The following FGF1 variants were observed in gnomAD, a reference collection of about 807,000 sequenced individuals.
FGF1 encodes fibroblast growth factor 1.
Under a neutral mutation model 13.4 loss-of-function variants are expected in FGF1, and 9 were observed. The observed-to-expected ratio is 0.67, with a 90% CI of 0.40 to 1.17. The LOEUF (loss-of-function observed/expected upper bound fraction) is 1.17. Ranked by LOEUF, FGF1 falls within the 50% of genes most tolerant of loss-of-function variation. The probability of loss-of-function intolerance (pLI) is 0.01; values close to 1 mark genes in which losing one functional copy is unlikely to be tolerated. For missense variants in FGF1, 156 were observed against 192.7 expected, an observed-to-expected ratio of 0.81 and a Z score of 1.13; for synonymous variants, 93 against 79.0, an observed-to-expected ratio of 1.18 and a Z score of -0.94.
intron 2 of FGF1, among the ~76,000 whole-genome samples, chr5:142,697,275 A>G (rs1312847748): frequency 6.6e-6 from 1 of 152,196 alleles, no homozygotes; most frequent in African/African-American, 2.4e-5. Flanking sequence ...TTTTAAAATG[A>G]AGCATTAAGT....
At chr5:142,602,461 C>T (rs1212710215) in intron 2 of FGF1, among the ~76,000 whole-genome samples, 1 of 152,158 alleles carries the variant, frequency 6.6e-6, no homozygotes, top group East Asian at 1.9e-4. Flanking sequence ...AGGTGTGAGC[C>T]ACTGCGCCTG....
intron 2 of FGF1, among the ~76,000 whole-genome samples, chr5:142,697,169 A>G (rs574862829): frequency 6.6e-6 from 1 of 152,274 alleles, no homozygotes; most frequent in East Asian, 1.9e-4. Flanking sequence ...GGTGATGGGG[A>G]AAAAGAGGCT....
At chr5:142,613,641 G>A (rs1032094152) in intron 2 of FGF1, among the ~76,000 whole-genome samples, 4 of 152,168 alleles carry the variant, frequency 2.6e-5, no homozygotes, top group Admixed American at 1.3e-4. Context: ...ACTAGCCTTC[G>A]GGGCCAGATC....
chr5:142,604,181 T>C (rs1036176322), intron 2 of FGF1, among the ~76,000 whole-genome samples: 4 of 152,226 alleles, frequency 2.6e-5, no homozygotes, highest in South Asian at 2.1e-4. Flanking sequence ...TGGATTGTGG[T>C]GTTGGTTGCA....
chr5:142,695,933 A>G (rs1332040683), intron 2 of FGF1, among the ~76,000 whole-genome samples: 2 of 152,216 alleles, frequency 1.3e-5, no homozygotes, highest in Non-Finnish European at 2.9e-5. Context: ...GAGGGGAGAC[A>G]GCACCAAGGT....
intron 1 of FGF1, among the ~76,000 whole-genome samples, chr5:142,636,999 A>G (rs1764361070): frequency 6.6e-6 from 1 of 151,990 alleles, no homozygotes; most frequent in Non-Finnish European, 1.5e-5. Context: ...GAGGAAAGGC[A>G]AGGAAATCAG....
intron 1 of FGF1, among the ~76,000 whole-genome samples, chr5:142,641,943 T>C (rs543403550): frequency 5.9e-5 from 9 of 152,358 alleles, no homozygotes; most frequent in East Asian, 1.9e-4. Context: ...AAATGGAATA[T>C]GTAAAGAGAA....
Position 142,600,569 on chromosome 5 carries a change from G to A in FGF1, c.273+133C>T, listed in dbSNP as rs915417062. The stretch of plus-strand genomic sequence containing the variant: ...GTGCCTAAAATAAAGCAGAGTGAGG[G>A]TGGGAATCCTTCTGGAAAAAATAAC... On this transcript the variant is annotated intron_variant, in intron 3 of 3. Coordinates refer to ENST00000337706, the MANE Select transcript of FGF1 (RefSeq NM_000800.5). 7.2e-6 allele frequency: 5 copies of A among 699,296 alleles called. No homozygotes were observed. In the East Asian group the frequency reaches 7.8e-5, roughly 11 times the overall value. The allele number at this position is 699,296 out of a possible 1,614,324, so 43.3% of individuals were successfully genotyped here.
At chr5:142,683,504 A>G (rs1019722949) in intron 1 of FGF1, among the ~76,000 whole-genome samples, 11 of 152,192 alleles carry the variant, frequency 7.2e-5, no homozygotes, top group African/African-American at 2.7e-4. Context: ...TGCTTTAAAG[A>G]TAATATGGAT....
intron 2 of FGF1, among the ~76,000 whole-genome samples, chr5:142,608,708 C>CATATATATATATATATAT (rs149917804): frequency 2.1e-5 from 3 of 144,316 alleles, no homozygotes; most frequent in Admixed American, 1.4e-4. Flanking sequence ...GACTGAATGA[C>CATATATATATATATATAT]ATATATATAT....
At chr5:142,684,325 G>A (rs1242599551) in intron 1 of FGF1, among the ~76,000 whole-genome samples, 2 of 152,242 alleles carry the variant, frequency 1.3e-5, no homozygotes, top group Non-Finnish European at 2.9e-5. Context: ...CACTTAACCA[G>A]ATATGGCTTC....
chr5:142,639,592 G>A (rs1597266689), intron 1 of FGF1, among the ~76,000 whole-genome samples: 1 of 152,004 alleles, frequency 6.6e-6, no homozygotes, highest in East Asian at 1.9e-4. Context: ...ATGAGATGTT[G>A]GTTAAAGGGT....
intron 1 of FGF1, among the ~76,000 whole-genome samples, chr5:142,619,083 T>TGCCACCGCGCCC (rs1197567824): frequency 4.6e-5 from 7 of 151,848 alleles, no homozygotes; most frequent in Non-Finnish European, 7.4e-5. Flanking sequence ...TACAGGCGCC[T>TGCCACCGCGCCC]GCCACCGCGC....
intron 1 of FGF1, among the ~76,000 whole-genome samples, chr5:142,618,878 T>C (rs1287223097): frequency 6.6e-6 from 1 of 151,712 alleles, no homozygotes; most frequent in African/African-American, 2.4e-5. Flanking sequence ...GACTGTGATG[T>C]GTTAAGAATC....
In FGF1 at chr5:142,659,302, C is replaced by A. The variant is rs1262596661; in HGVS notation, c.-35+26655G>T. 4.7e-5 allele frequency among the ~76,000 whole-genome samples: 7 copies of A among 150,330 alleles called. No homozygotes were observed. In the East Asian group the frequency reaches 1.4e-3, roughly 29 times the overall value. Reference sequence around the variant, plus strand: ...GGAGTGCAGTGGCGTGATCTCAGCTCACTACAACCTCTGCCTCCCGGGTTC... The same window carrying A: ...GGAGTGCAGTGGCGTGATCTCAGCTAACTACAACCTCTGCCTCCCGGGTTC... On this transcript the variant is annotated intron_variant, in intron 1 of 3. Transcript: ENST00000337706.
rs544866424 is a variant in FGF1 at position 142,620,184 on chromosome 5, G to A, written c.-34-6023C>T. Among the ~76,000 whole-genome samples the A allele has an allele frequency of 4.8e-4, 73 of 152,276 alleles. 1 individual carries two copies. Among genetic ancestry groups the A allele is most frequent in the Admixed American group, 2.8e-3 (43 of 15,300 alleles). Reference sequence around the variant, plus strand: ...TGTAATCCCACCACTTTGGGAGGCCGAGGTGGGCGGATCACGAGGTAAGGA... The same window carrying A: ...TGTAATCCCACCACTTTGGGAGGCCAAGGTGGGCGGATCACGAGGTAAGGA... On this transcript the variant is annotated intron_variant, in intron 1 of 3. Transcript: ENST00000337706.
intron 1 of FGF1, among the ~76,000 whole-genome samples, chr5:142,643,174 G>A (rs1411988641): frequency 1.3e-5 from 2 of 152,064 alleles, no homozygotes; most frequent in Non-Finnish European, 2.9e-5. Flanking sequence ...ATTGAATGTT[G>A]TGATATAATT....
chr5:142,630,240 A>G (rs1330601551), intron 1 of FGF1, among the ~76,000 whole-genome samples: 1 of 152,116 alleles, frequency 6.6e-6, no homozygotes, highest in Non-Finnish European at 1.5e-5. Context: ...ACCCAAAGCA[A>G]GTGCCTCCCA....
At chr5:142,614,868 C>A (rs1249083100) in intron 1 of FGF1, among the ~76,000 whole-genome samples, 2 of 152,170 alleles carry the variant, frequency 1.3e-5, no homozygotes, top group Non-Finnish European at 2.9e-5. Context: ...CTGGTTCCTG[C>A]CCATTCTGCA....
Sources: allele counts gnomAD v4.1 joint callset (sites outside exome capture counted in the v4.1 genomes callset), GRCh38; gene constraint gnomAD v4.1.1; transcripts MANE v1.5; gene names NCBI Gene and HGNC (gene_info 2026-07-23, HGNC 2026-07-21).